Variants in SASH1 observed in about 807,000 individuals in gnomAD.
SASH1 encodes the protein SAM and SH3 domain containing 1.
SASH1 carries 44 observed loss-of-function variants against 125.2 expected under a neutral mutation model. That is an observed-to-expected ratio of 0.35 (90% CI 0.28 to 0.45). The LOEUF (loss-of-function observed/expected upper bound fraction) is 0.45. Ranked by LOEUF, SASH1 falls within the 20% of genes least tolerant of loss-of-function variation. SASH1 has a pLI of 1.00. For missense variants in SASH1, 1,426 were observed against 1,614.5 expected (o/e 0.88, Z 2.00); for synonymous variants, 639 against 649.1 (o/e 0.98, Z 0.24).
intron 8 of SASH1, among the ~76,000 whole-genome samples, chr6:148,507,920 C>G (rs769285810): frequency 6.6e-6 from 1 of 152,176 alleles, no homozygotes; most frequent in Non-Finnish European, 1.5e-5. Flanking sequence ...TGACTTGCAG[C>G]CCACGTCATG....
intron 9 of SASH1, among the ~76,000 whole-genome samples, chr6:148,516,018 G>A (rs1163246876): frequency 6.6e-6 from 1 of 152,192 alleles, no homozygotes; most frequent in East Asian, 1.9e-4. Context: ...TAAAAATACA[G>A]ACATTGTAAT....
At chr6:148,516,528 A>G (rs1157063025) in intron 9 of SASH1, among the ~76,000 whole-genome samples, 1 of 117,046 alleles carries the variant, frequency 8.5e-6, no homozygotes, top group Non-Finnish European at 1.6e-5. Context: ...CCTTGGACTT[A>G]CAAAGGGTTG....
intron 10 of SASH1, among the ~76,000 whole-genome samples, chr6:148,524,043 CAAA>C (rs1469270019): frequency 6.7e-6 from 1 of 148,700 alleles, no homozygotes; most frequent in Non-Finnish European, 1.5e-5. Context: ...TCTGTGATTT[CAAA>C]AATGTAGGCA....
intron 8 of SASH1, among the ~76,000 whole-genome samples, chr6:148,490,814 TTTAATCAATTTC>T: frequency 6.6e-6 from 1 of 152,328 alleles, no homozygotes; most frequent in Middle Eastern, 3.4e-3. Context: ...GTGATCTGGC[TTTAATCAATTTC>T]TTAAATCTCA....
At chr6:148,496,048 A>G (rs981247474) in intron 8 of SASH1, among the ~76,000 whole-genome samples, 2 of 149,648 alleles carry the variant, frequency 1.3e-5, no homozygotes, top group Non-Finnish European at 3.0e-5. Flanking sequence ...GGGTTTCACC[A>G]TGTTGGCCAG....
chr6:148,215,857 T>A, the SASH1 span, among the ~76,000 whole-genome samples: 5,607 of 151,640 alleles, frequency 0.037, 339 homozygotes, highest in African/African-American at 0.13. Context: ...TTATTTATTT[T>A]ATTTATTTAT....
At chr6:148,288,107 C>A (rs1779533293) in intron 1 of SASH1, among the ~76,000 whole-genome samples, 3 of 152,344 alleles carry the variant, frequency 2.0e-5, no homozygotes, top group Admixed American at 2.0e-4. Context: ...TAAGCTATGG[C>A]TGTCGGCTTT....
intron 1 of SASH1, among the ~76,000 whole-genome samples, chr6:148,381,244 G>T (rs1783119072): frequency 6.6e-6 from 1 of 152,172 alleles, no homozygotes; most frequent in Non-Finnish European, 1.5e-5. Flanking sequence ...TTTCTTCCCA[G>T]TAGGTAGTTG....
At chr6:148,288,134 A>G (rs576222852) in intron 1 of SASH1, among the ~76,000 whole-genome samples, 1 of 151,610 alleles carries the variant, frequency 6.6e-6, no homozygotes, top group African/African-American at 2.4e-5. Flanking sequence ...AACAAGCACC[A>G]AGCTGAAAAC....
In SASH1 at chr6:148,389,050, G is replaced by C. The variant is rs565601497; in HGVS notation, c.157-1084G>C. ...ACTTACAAATGTACAAGGTATTTCT[G>C]TCATCCTCCCTGTATGTATTCAGGT... On this transcript the variant is annotated intron_variant, in intron 1 of 19. Transcript: ENST00000367467. Among the ~76,000 whole-genome samples the C allele has an allele frequency of 1.1e-4, 16 of 152,230 alleles. 1 individual carries two copies. Among genetic ancestry groups the C allele is most frequent in the African/African-American group, 3.9e-4 (16 of 41,542 alleles).
rs1230607774 is a variant in SASH1, at chr6:148,459,745, A to G, written c.387-8800A>G. On this transcript the variant is annotated intron_variant, in intron 4 of 19. Coordinates refer to ENST00000367467, the MANE Select transcript of SASH1 (RefSeq NM_015278.5). ...CTAGCTTATTTTATTTAATTTTTTT[A>G]GTGCTTAGCATGTGCAGGCATGTAG... 2.0e-5 allele frequency among the ~76,000 whole-genome samples: 3 copies of G among 148,980 alleles called. No homozygotes were observed. The East Asian group carries it at 5.8e-4, about 29-fold the overall frequency.
intron 2 of SASH1, among the ~76,000 whole-genome samples, chr6:148,419,737 GA>G (rs1784976781): frequency 6.6e-6 from 1 of 152,110 alleles, no homozygotes; most frequent in Non-Finnish European, 1.5e-5. Context: ...CTTTTCCTGA[GA>G]AAAAGACATG....
intron 1 of SASH1, among the ~76,000 whole-genome samples, chr6:148,319,022 C>CTTTTTTTT (rs10695657): frequency 0.017 from 1,129 of 66,680 alleles, 275 homozygotes; most frequent in Non-Finnish European, 0.024. Flanking sequence ...CATTTATCTT[C>CTTTTTTTT]TTTTTTTTTT....
At chr6:148,478,977 T>G (rs531690707) in intron 7 of SASH1, 1 of 155,178 alleles carries the variant, frequency 6.4e-6, no homozygotes, top group South Asian at 2.1e-4. Context: ...ATGAGAAGTA[T>G]GGACCTGTAT....
the SASH1 span, among the ~76,000 whole-genome samples, chr6:148,249,472 T>C: frequency 6.6e-6 from 1 of 152,198 alleles, no homozygotes; most frequent in Non-Finnish European, 1.5e-5. Flanking sequence ...AGGTGTTCAA[T>C]GCTTCTAGGA....
chr6:148,300,442 A>ATTTTTT (rs34126353), intron 1 of SASH1, among the ~76,000 whole-genome samples: 7 of 108,360 alleles, frequency 6.5e-5, no homozygotes, highest in African/African-American at 1.1e-4. Flanking sequence ...CAGAAACAAG[A>ATTTTTT]TTTTTTTTTT....
At chr6:148,250,856 A>G in the SASH1 span, among the ~76,000 whole-genome samples, 58 of 152,316 alleles carry the variant, frequency 3.8e-4, no homozygotes, top group East Asian at 0.011. Flanking sequence ...ATAAAAGCTA[A>G]AATTTTAAAA....
intron 16 of SASH1, 130 bp from the exon 17 acceptor site, chr6:148,540,313 C>T: frequency 1.5e-6 from 1 of 664,296 alleles, no homozygotes; most frequent in Non-Finnish European, 2.6e-6. Context: ...TTGATCTCAT[C>T]TATTTTAAGA....
intron 16 of SASH1, among the ~76,000 whole-genome samples, chr6:148,536,499 A>G (rs1462219300): frequency 6.6e-6 from 1 of 151,990 alleles, no homozygotes; most frequent in Non-Finnish European, 1.5e-5. Flanking sequence ...ACCACTACGC[A>G]TGGCTAATTT....
Sources: allele counts gnomAD v4.1 joint callset (sites outside exome capture counted in the v4.1 genomes callset), GRCh38; gene constraint gnomAD v4.1.1; transcripts MANE v1.5; gene names NCBI Gene and HGNC (gene_info 2026-07-23, HGNC 2026-07-21).